Variants in PACRG observed in about 807,000 individuals in gnomAD.
The protein encoded by PACRG is parkin coregulated gene protein.
Under a neutral mutation model 29.7 loss-of-function variants are expected in PACRG, and 29 were observed. That is an observed-to-expected ratio of 0.98 (90% CI 0.73 to 1.33). The LOEUF is 1.33. Among genes scored for constraint, PACRG ranks in the 40% most tolerant of loss-of-function variants. The pLI is 0.00. For synonymous variants in PACRG, 116 were observed against 118.7 expected (o/e 0.98, Z 0.15); for missense variants, 279 against 316.2 (o/e 0.88, Z 0.89).
At chr6:163,276,578 T>C (rs908082379) in intron 4 of PACRG, among the ~76,000 whole-genome samples, 12 of 152,178 alleles carry the variant, frequency 7.9e-5, no homozygotes, top group African/African-American at 2.9e-4. Flanking sequence ...TGGGTTGCCG[T>C]GGTCGGAATG....
At chr6:163,260,943 T>A (rs2128175354) in intron 4 of PACRG, among the ~76,000 whole-genome samples, 1 of 151,520 alleles carries the variant, frequency 6.6e-6, no homozygotes, top group Non-Finnish European at 1.5e-5. Flanking sequence ...CTTTTTTTTT[T>A]AATATGGAAA....
intron 2 of PACRG, among the ~76,000 whole-genome samples, chr6:162,864,532 T>C (rs917139575): frequency 1.3e-5 from 2 of 152,184 alleles, no homozygotes; most frequent in African/African-American, 4.8e-5. Context: ...CCTGTCTACC[T>C]ACTTGTCCAT....
At chr6:163,141,097 C>T (rs1194178940) in intron 4 of PACRG, among the ~76,000 whole-genome samples, 2 of 151,898 alleles carry the variant, frequency 1.3e-5, no homozygotes, top group African/African-American at 4.8e-5. Flanking sequence ...AGGCAGACGC[C>T]ACAAAGACCC....
rs530705269 is a variant in PACRG, at chr6:162,772,367, A to G, written c.157-41780A>G. 2.0e-5 allele frequency among the ~76,000 whole-genome samples: 3 copies of G among 152,354 alleles called. No individual in the cohort carries two copies. The South Asian group carries it at 6.2e-4, about 32-fold the overall frequency. On this transcript the variant is annotated intron_variant, in intron 1 of 4. Coordinates refer to ENST00000366888, the MANE Select transcript of PACRG (RefSeq NM_001080379.2). ...AGAAACCTGAAAATCGATGTGCAAT[A>G]AAGGGTTACAAGATATTTAAAGAAA...
intron 2 of PACRG, among the ~76,000 whole-genome samples, chr6:162,889,950 T>C (rs1794635425): frequency 6.6e-6 from 1 of 152,248 alleles, no homozygotes; most frequent in Non-Finnish European, 1.5e-5. Context: ...CAACAGACAT[T>C]GTAATGGTGA....
chr6:162,894,738 T>C (rs925153884), intron 2 of PACRG, among the ~76,000 whole-genome samples: 1 of 152,230 alleles, frequency 6.6e-6, no homozygotes, highest in Non-Finnish European at 1.5e-5. Flanking sequence ...TTTCTGTTCA[T>C]TGCTGTGTGA....
chr6:162,885,563 G>C (rs1185443616), intron 2 of PACRG, among the ~76,000 whole-genome samples: 1 of 152,114 alleles, frequency 6.6e-6, no homozygotes, highest in Non-Finnish European at 1.5e-5. Flanking sequence ...GAGCCACCGT[G>C]CCTGGCCTAA....
intron 2 of PACRG, among the ~76,000 whole-genome samples, chr6:162,891,460 T>A (rs1406084088): frequency 2.0e-5 from 3 of 152,182 alleles, no homozygotes; most frequent in Non-Finnish European, 4.4e-5. Flanking sequence ...GGTTCAGTGA[T>A]GATTTGGCTG....
At chr6:162,742,317 C>G (rs1360303321) in intron 1 of PACRG, among the ~76,000 whole-genome samples, 1 of 152,176 alleles carries the variant, frequency 6.6e-6, no homozygotes, top group African/African-American at 2.4e-5. Flanking sequence ...GGGGTTTCCC[C>G]TTTCATTTGG....
At chr6:162,729,186 GT>G (rs1041184532) in intron 1 of PACRG, among the ~76,000 whole-genome samples, 1 of 152,052 alleles carries the variant, frequency 6.6e-6, no homozygotes, top group African/African-American at 2.4e-5. Flanking sequence ...TTTACACTTG[GT>G]ATGCTAAGAC....
At chr6:162,854,742 A>G (rs1466998608) in intron 2 of PACRG, among the ~76,000 whole-genome samples, 1 of 152,160 alleles carries the variant, frequency 6.6e-6, no homozygotes, top group African/African-American at 2.4e-5. Context: ...TGTACCAGCT[A>G]GGCCTACTAT....
intron 2 of PACRG, among the ~76,000 whole-genome samples, chr6:163,024,185 G>T (rs1428743232): frequency 6.6e-6 from 1 of 152,104 alleles, no homozygotes; most frequent in East Asian, 1.9e-4. Flanking sequence ...TGCCTTCCAG[G>T]ATTTTTATAG....
chr6:163,010,586 G>A (rs1412771732), intron 2 of PACRG, among the ~76,000 whole-genome samples: 1 of 152,152 alleles, frequency 6.6e-6, no homozygotes, highest in Non-Finnish European at 1.5e-5. Flanking sequence ...TCATCATGTA[G>A]CCAGAGTCTG....
intron 2 of PACRG, among the ~76,000 whole-genome samples, chr6:162,872,385 G>T (rs1792900579): frequency 6.6e-6 from 1 of 152,294 alleles, no homozygotes; most frequent in South Asian, 2.1e-4. Context: ...TAGCAGTTGA[G>T]TATTAGAATG....
At chr6:162,740,155 CGAGAT>C (rs2128259323) in intron 1 of PACRG, among the ~76,000 whole-genome samples, 1 of 152,188 alleles carries the variant, frequency 6.6e-6, no homozygotes, top group South Asian at 2.1e-4. Flanking sequence ...TTGTATTTAG[CGAGAT>C]GAGTTCCCCC....
chr6:163,057,253 A>G (rs1810676085), intron 2 of PACRG, among the ~76,000 whole-genome samples: 1 of 152,130 alleles, frequency 6.6e-6, no homozygotes, highest in African/African-American at 2.4e-5. Context: ...CTCAAAAACA[A>G]TGGTGAGGGC....
intron 2 of PACRG, among the ~76,000 whole-genome samples, chr6:163,022,204 A>T (rs138872798): frequency 7.5e-4 from 114 of 152,294 alleles, no homozygotes; most frequent in African/African-American, 2.6e-3. Context: ...AGCACCTACT[A>T]TGTGCTCAAT....
At chr6:162,893,110 G>A (rs1469416039) in intron 2 of PACRG, among the ~76,000 whole-genome samples, 7 of 152,120 alleles carry the variant, frequency 4.6e-5, no homozygotes, top group African/African-American at 1.7e-4. Context: ...GGCTATGAAT[G>A]ACCTTTTTCC....
chr6:163,097,640 A>G (rs1047770063), intron 4 of PACRG, among the ~76,000 whole-genome samples: 8 of 152,154 alleles, frequency 5.3e-5, no homozygotes, highest in African/African-American at 1.7e-4. Flanking sequence ...TGTGTGGGGT[A>G]TACATTGGTT....
Sources: allele counts gnomAD v4.1 joint callset (sites outside exome capture counted in the v4.1 genomes callset), GRCh38; gene constraint gnomAD v4.1.1; transcripts MANE v1.5; gene names NCBI Gene and HGNC (gene_info 2026-07-23, HGNC 2026-07-21).